RANBP10: variants seen among roughly 807,000 people sequenced by gnomAD.
RANBP10 encodes RAN binding protein 10, also known as ran-binding protein 10.
RANBP10 carries 24 observed loss-of-function variants against 72.8 expected under a neutral mutation model. The observed-to-expected ratio is 0.33, with a 90% CI of 0.24 to 0.46. The LOEUF (loss-of-function observed/expected upper bound fraction) is 0.46. RANBP10 is among the 20% of genes least tolerant of loss of function. The pLI is 1.00. For missense variants in RANBP10, 679 were observed against 817.5 expected (o/e 0.83, Z 2.07); for synonymous variants, 310 against 322.3 (o/e 0.96, Z 0.41).
intron 3 of RANBP10, among the ~76,000 whole-genome samples, chr16:67,769,462 A>AAAT (rs1567699175): frequency 7.3e-6 from 1 of 136,798 alleles, no homozygotes; most frequent in African/African-American, 2.7e-5. Flanking sequence ...AAAAAAAAAA[A>AAAT]GTGCTGGGCG....
At chr16:67,800,434 A>C (rs1214200560) in intron 2 of RANBP10, among the ~76,000 whole-genome samples, 2 of 152,184 alleles carry the variant, frequency 1.3e-5, no homozygotes, top group African/African-American at 2.4e-5. Flanking sequence ...TGAGGGTCAC[A>C]CTGGAGCATC....
chr16:67,727,549 G>C (rs2053629275), intron 12 of RANBP10, 111 bp from the exon 13 acceptor site: 1 of 1,320,686 alleles, frequency 7.6e-7, no homozygotes, highest in Admixed American at 2.1e-5. Flanking sequence ...CTGGAATGTG[G>C]GGTGTAGGGT....
At chr16:67,788,722 C>T (rs770424940) in intron 2 of RANBP10, among the ~76,000 whole-genome samples, 1 of 151,666 alleles carries the variant, frequency 6.6e-6, no homozygotes, top group Admixed American at 6.6e-5. Context: ...TCAGGCAGGA[C>T]GCGCACAGTG....
intron 3 of RANBP10, among the ~76,000 whole-genome samples, chr16:67,749,410 C>T (rs2054151895): frequency 6.6e-6 from 1 of 152,206 alleles, no homozygotes; most frequent in Non-Finnish European, 1.5e-5. Context: ...GCTGGTGCCT[C>T]CTGCATCTCC....
At chr16:67,801,309 T>C (rs955185201) in intron 2 of RANBP10, among the ~76,000 whole-genome samples, 3 of 152,108 alleles carry the variant, frequency 2.0e-5, no homozygotes, top group South Asian at 2.1e-4. Flanking sequence ...TCCCCTAACA[T>C]TGCAATCTGG....
rs1597826153 is a variant in RANBP10, at chr16:67,732,070, G to A, written c.777-486C>T. Among the ~76,000 whole-genome samples, 3 of 152,298 alleles carry A rather than the reference G, an allele frequency of 2.0e-5. No homozygotes were observed. The South Asian group carries it at 6.2e-4, about 32-fold the overall frequency. ...ACACAGGAGCCCCTCTGCAGGCTGT[G>A]CCATGTACCTGAGAGAAGCATTTCA... On this transcript the variant is annotated intron_variant, in intron 6 of 13. Transcript: ENST00000317506.
chr16:67,780,369 G>C (rs1401742290), intron 2 of RANBP10, among the ~76,000 whole-genome samples: 1 of 152,202 alleles, frequency 6.6e-6, no homozygotes, highest in African/African-American at 2.4e-5. Context: ...AAGACAGACA[G>C]CTGGATCTGG....
chr16:67,747,168 T>A (rs1229328432), intron 3 of RANBP10, among the ~76,000 whole-genome samples: 1 of 152,220 alleles, frequency 6.6e-6, no homozygotes, highest in Non-Finnish European at 1.5e-5. Flanking sequence ...GAGTTCCATA[T>A]CTTCTTCAGT....
rs544186003 is a variant in RANBP10, at chr16:67,794,937, A to C, written c.347+10491T>G. Among the ~76,000 whole-genome samples, 531 of 148,696 alleles carry C rather than the reference A, an allele frequency of 3.6e-3. 6 individuals carry two copies. Among genetic ancestry groups the C allele is most frequent in the African/African-American group, 0.012 (487 of 40,468 alleles). Reference sequence around the variant, plus strand: ...TGAGACCCTGCCTCAAATTAAAAAAAAAAAAAAACAAAAAAAAAAAACAGC... The same window carrying C: ...TGAGACCCTGCCTCAAATTAAAAAACAAAAAAAACAAAAAAAAAAAACAGC... On this transcript the variant is annotated intron_variant, in intron 2 of 13. Coordinates refer to ENST00000317506, the MANE Select transcript of RANBP10 (RefSeq NM_020850.3).
rs61683439 is a variant in RANBP10 at position 67,785,731 on chromosome 16, C to CAAAAAAAAAAAAAAAAAAAAAAAAAA, written c.348-13646_348-13645insTTTTTTTTTTTTTTTTTTTTTTTTTT. ...AAACAGAGTGAGTGAGACTCCATCTCAAAAAAAAAAAAAAAGCCAGGCACA... is the reference window on the plus strand; with the variant it reads ...AAACAGAGTGAGTGAGACTCCATCTCAAAAAAAAAAAAAAAAAAAAAAAAAAAAAAAAAAAAAAAAAGCCAGGCACA... On this transcript the variant is annotated intron_variant, in intron 2 of 13. Coordinates refer to ENST00000317506, the MANE Select transcript of RANBP10 (RefSeq NM_020850.3). 1.7e-3 allele frequency among the ~76,000 whole-genome samples: 121 copies of CAAAAAAAAAAAAAAAAAAAAAAAAAA among 71,702 alleles called. 7 individuals carry two copies. The highest frequency in any genetic ancestry group is 2.7e-3 in the African/African-American group (40 of 14,580). The allele number at this position is 71,702 out of a possible 152,430, so 47.0% of individuals were successfully genotyped here.
intron 2 of RANBP10, among the ~76,000 whole-genome samples, chr16:67,778,545 A>G (rs78731041): frequency 6.6e-6 from 1 of 152,190 alleles, no homozygotes; most frequent in Non-Finnish European, 1.5e-5. Flanking sequence ...GATAAAGTAA[A>G]CTTCATCAAA....
chr16:67,743,225 A>C (rs1208029199), intron 4 of RANBP10, among the ~76,000 whole-genome samples: 1 of 152,220 alleles, frequency 6.6e-6, no homozygotes, highest in Non-Finnish European at 1.5e-5. Flanking sequence ...AGGCAAGGGA[A>C]ATGGGACTTC....
chr16:67,766,988 G>T (rs2054514762), intron 3 of RANBP10, among the ~76,000 whole-genome samples: 1 of 152,220 alleles, frequency 6.6e-6, no homozygotes, highest in South Asian at 2.1e-4. Flanking sequence ...TTGGCAGGCA[G>T]AGTGAAACAA....
At chr16:67,775,649 C>T (rs2054690459) in intron 2 of RANBP10, among the ~76,000 whole-genome samples, 1 of 151,752 alleles carries the variant, frequency 6.6e-6, no homozygotes, top group South Asian at 2.1e-4. Flanking sequence ...CCTGTCTCTA[C>T]AAAAAATTAG....
intron 3 of RANBP10, among the ~76,000 whole-genome samples, chr16:67,770,135 G>C (rs1597884482): frequency 6.6e-6 from 1 of 152,068 alleles, no homozygotes; most frequent in African/African-American, 2.4e-5. Flanking sequence ...AAAGTTGAAA[G>C]AGCACACCTA....
chr16:67,771,995 A>C (rs893969236), intron 3 of RANBP10, 39 bp downstream of exon 3: 1 of 1,592,148 alleles, frequency 6.3e-7, no homozygotes, highest in African/African-American at 1.4e-5. Flanking sequence ...CAATTGGATC[A>C]GGAGAGCAGA....
At chr16:67,795,244 C>A (rs1455794520) in intron 2 of RANBP10, among the ~76,000 whole-genome samples, 1 of 150,734 alleles carries the variant, frequency 6.6e-6, no homozygotes, top group African/African-American at 2.4e-5. Context: ...GACCCCGCCT[C>A]AAAAAAATAA....
intron 1 of RANBP10, 91 bp downstream of exon 1, chr16:67,806,210 AG>A (rs2055424918): frequency 1.6e-6 from 2 of 1,232,808 alleles, no homozygotes; most frequent in Non-Finnish European, 1.1e-6. Flanking sequence ...GCACCTAGGC[AG>A]GGAAAGGGAG....
intron 2 of RANBP10, among the ~76,000 whole-genome samples, chr16:67,792,826 G>C (rs1407612228): frequency 2.6e-5 from 4 of 151,338 alleles, no homozygotes; most frequent in African/African-American, 9.7e-5. Context: ...GGGGCCTCAA[G>C]TTAGGGTGCT....
Sources: allele counts gnomAD v4.1 joint callset (sites outside exome capture counted in the v4.1 genomes callset), GRCh38; gene constraint gnomAD v4.1.1; transcripts MANE v1.5; gene names NCBI Gene and HGNC (gene_info 2026-07-23, HGNC 2026-07-21).